KAZN: variants seen among roughly 807,000 people sequenced by gnomAD.
The protein encoded by KAZN is kazrin.
KAZN carries 40 observed loss-of-function variants against 87.4 expected under a neutral mutation model. The ratio of observed to expected loss-of-function variants is 0.46; its 90% confidence interval spans 0.36 to 0.60. The LOEUF is 0.60. Ranked by LOEUF, KAZN falls within the 20% of genes least tolerant of loss-of-function variation. The pLI, the probability that KAZN is intolerant of heterozygous loss-of-function variation, is 0.00. For synonymous variants in KAZN, 466 were observed against 458.3 expected (o/e 1.02, Z -0.22); for missense variants, 898 against 1,073.9 (o/e 0.84, Z 2.29).
chr1:14,843,589 A>C (rs1330360044), intron 1 of KAZN, among the ~76,000 whole-genome samples: 1 of 152,252 alleles, frequency 6.6e-6, no homozygotes, highest in Non-Finnish European at 1.5e-5. Flanking sequence ...TGGGGCACAG[A>C]AACTTGCATG....
At chr1:13,952,280 G>A (rs1641374614) in intron 1 of KAZN, among the ~76,000 whole-genome samples, 1 of 151,548 alleles carries the variant, frequency 6.6e-6, no homozygotes, top group Non-Finnish European at 1.5e-5. Context: ...GTCATGTCAT[G>A]CTGAATATTT....
At chr1:14,312,721 AGAT>A (rs1006186296) in intron 2 of KAZN, among the ~76,000 whole-genome samples, 1 of 152,270 alleles carries the variant, frequency 6.6e-6, no homozygotes, top group African/African-American at 2.4e-5. Context: ...GGGTTACAGA[AGAT>A]GGTGACTTCC....
At chr1:14,245,747 A>G (rs1649439192) in intron 2 of KAZN, among the ~76,000 whole-genome samples, 2 of 152,198 alleles carry the variant, frequency 1.3e-5, no homozygotes, top group Non-Finnish European at 2.9e-5. Context: ...TTTAAGTATC[A>G]TCACTGTTTT....
intron 2 of KAZN, among the ~76,000 whole-genome samples, chr1:14,406,646 G>A (rs1277985373): frequency 6.6e-5 from 10 of 152,192 alleles, no homozygotes; most frequent in Admixed American, 3.9e-4. Context: ...ACTAAAAAAC[G>A]TACTCATGTA....
chr1:14,459,088 G>A lies in KAZN; in HGVS notation c.250-139895G>A, dbSNP rs75216668. 2.9e-3 allele frequency among the ~76,000 whole-genome samples: 447 copies of A among 152,126 alleles called. 2 individuals carry two copies. The highest frequency in any genetic ancestry group is 0.01 in the African/African-American group (434 of 41,502). On this transcript the variant is annotated intron_variant, in intron 2 of 16. Transcript: ENST00000636203. ...AGTGATTGGACTCCCCCAAGCTTTG[G>A]CCCATTTCCTCAGCTTAAATCCAGA...
chr1:14,129,612 C>T (rs1180749106), intron 1 of KAZN, among the ~76,000 whole-genome samples: 2 of 152,118 alleles, frequency 1.3e-5, no homozygotes, highest in African/African-American at 2.4e-5. Flanking sequence ...GGGGAAGGCA[C>T]CTTGTTGGGG....
At chr1:14,646,392 A>G (rs183484640) in intron 1 of KAZN, among the ~76,000 whole-genome samples, 1 of 152,322 alleles carries the variant, frequency 6.6e-6, no homozygotes, top group East Asian at 1.9e-4. Context: ...AGCCTGGGCA[A>G]CAGAACAAGA....
intron 2 of KAZN, among the ~76,000 whole-genome samples, chr1:14,969,729 C>A (rs1156788748): frequency 6.6e-6 from 1 of 152,236 alleles, no homozygotes; most frequent in East Asian, 1.9e-4. Context: ...CTGCTTTCAG[C>A]ACCCTCACCC....
chr1:14,664,596 C>T (rs905626412), intron 1 of KAZN, among the ~76,000 whole-genome samples: 2 of 151,902 alleles, frequency 1.3e-5, no homozygotes, highest in African/African-American at 4.8e-5. Flanking sequence ...GTACAATATT[C>T]CAACCCTACT....
intron 2 of KAZN, among the ~76,000 whole-genome samples, chr1:14,511,293 A>T (rs1174347985): frequency 1.3e-5 from 2 of 151,806 alleles, no homozygotes; most frequent in Non-Finnish European, 3.0e-5. Flanking sequence ...GAGACACAAC[A>T]GTTCATTAAG....
rs974859343 is a variant in KAZN, at chr1:15,021,224, C to T, written c.419-13525C>T. On this transcript the variant is annotated intron_variant, in intron 2 of 14. Transcript: ENST00000376030. The surrounding 1 kb of genome is among the most constrained non-coding windows in gnomAD (Gnocchi z 4.2). ...CTGCCTCTTCCTCCTTTCTCAAGAC[C>T]GAGCCCAGGCCATTATCTTGCCTGC... Among the ~76,000 whole-genome samples, 6 of 152,158 alleles carry T rather than the reference C, an allele frequency of 3.9e-5. No individual in the cohort carries two copies. Among genetic ancestry groups the T allele is most frequent in the Non-Finnish European group, 5.9e-5 (4 of 68,030 alleles).
intron 1 of KAZN, among the ~76,000 whole-genome samples, chr1:14,725,011 G>A (rs1314797690): frequency 6.6e-6 from 1 of 152,228 alleles, no homozygotes; most frequent in Non-Finnish European, 1.5e-5. Flanking sequence ...AGGCACATAA[G>A]AGATGGTTGT....
At chr1:14,552,780 G>A (rs1673622117) in intron 2 of KAZN, among the ~76,000 whole-genome samples, 1 of 152,164 alleles carries the variant, frequency 6.6e-6, no homozygotes, top group Non-Finnish European at 1.5e-5. Context: ...CATGAGTCAG[G>A]CAATGGCTTA....
At chr1:15,044,676 G>C (rs114634521) in intron 4 of KAZN, among the ~76,000 whole-genome samples, 11 of 149,522 alleles carry the variant, frequency 7.4e-5, no homozygotes, top group Admixed American at 1.3e-4. Flanking sequence ...TGGAGGTAAG[G>C]CTGCAGTGAG....
chr1:14,242,054 T>C (rs966356989), intron 2 of KAZN, among the ~76,000 whole-genome samples: 2 of 152,196 alleles, frequency 1.3e-5, no homozygotes, highest in Non-Finnish European at 2.9e-5. Context: ...TGTTGCTCCT[T>C]GAAGTATCAT....
At chr1:14,991,796 C>T (rs766236049) in intron 2 of KAZN, among the ~76,000 whole-genome samples, 6 of 152,204 alleles carry the variant, frequency 3.9e-5, no homozygotes, top group South Asian at 2.1e-4. Context: ...CCTGGTCCCA[C>T]GTGTCTTAGT....
intron 1 of KAZN, among the ~76,000 whole-genome samples, chr1:14,141,236 T>A (rs68139417): frequency 0.042 from 1,656 of 39,036 alleles, 63 homozygotes; most frequent in South Asian, 0.13. Context: ...GATTACCATT[T>A]AAAAAAAAAA....
At chr1:14,562,594 G>A (rs115944793) in intron 2 of KAZN, among the ~76,000 whole-genome samples, 1 of 152,302 alleles carries the variant, frequency 6.6e-6, no homozygotes, top group African/African-American at 2.4e-5. Context: ...ATAGCAGCAA[G>A]TATTCAGCAA....
chr1:14,198,890 A>C (rs578245277), intron 2 of KAZN, among the ~76,000 whole-genome samples: 2 of 152,162 alleles, frequency 1.3e-5, no homozygotes, highest in African/African-American at 4.8e-5. Flanking sequence ...TCACCCAGCC[A>C]GTAGGTGGCA....
Sources: gnomAD v4.1 joint callset for allele counts (sites outside exome capture counted in the v4.1 genomes callset) on GRCh38, gnomAD v4.1.1 for gene constraint, Gnocchi (gnomAD v3.1) non-coding constraint, MANE v1.5 for transcripts, NCBI Gene and HGNC (gene_info 2026-07-23, HGNC 2026-07-21) for gene names.